PRKG1: variants seen among roughly 807,000 people sequenced by gnomAD.
The protein encoded by PRKG1 is protein kinase cGMP-dependent 1.
In PRKG1, 35 loss-of-function variants were observed where a neutral mutation model predicts 88.1. That is an observed-to-expected ratio of 0.40 (90% CI 0.30 to 0.53). The LOEUF (loss-of-function observed/expected upper bound fraction) is 0.53. Among genes scored for constraint, PRKG1 ranks in the 20% least tolerant of loss-of-function variants. The pLI, the probability that PRKG1 is intolerant of heterozygous loss-of-function variation, is 0.59. For synonymous variants in PRKG1, 303 were observed against 292.5 expected (o/e 1.04, Z -0.37); for missense variants, 540 against 839.8 (o/e 0.64, Z 4.41).
At chr10:51,943,622 T>C (rs376249787) in intron 5 of PRKG1, among the ~76,000 whole-genome samples, 7 of 152,158 alleles carry the variant, frequency 4.6e-5, no homozygotes, top group African/African-American at 7.2e-5. Flanking sequence ...TTTTGAGATA[T>C]GTCCCATCAA....
At chr10:51,473,329 C>T (rs1053327899) in intron 3 of PRKG1, among the ~76,000 whole-genome samples, 8 of 151,618 alleles carry the variant, frequency 5.3e-5, no homozygotes, top group African/African-American at 1.7e-4. Flanking sequence ...TTTAAGTAGA[C>T]GAAAAATGAA....
intron 5 of PRKG1, among the ~76,000 whole-genome samples, chr10:52,048,211 A>C (rs1214194217): frequency 1.3e-5 from 2 of 152,076 alleles, no homozygotes; most frequent in African/African-American, 4.8e-5. Context: ...CCAAACTTAA[A>C]TATAGAGGAA....
intron 3 of PRKG1, among the ~76,000 whole-genome samples, chr10:51,674,597 G>A (rs1338666462): frequency 2.0e-5 from 3 of 152,078 alleles, no homozygotes; most frequent in African/African-American, 7.2e-5. Context: ...GCAGTATTTT[G>A]AATAAAGAAT....
intron 3 of PRKG1, among the ~76,000 whole-genome samples, chr10:51,488,675 G>A (rs942451596): frequency 2.6e-5 from 4 of 152,028 alleles, no homozygotes; most frequent in Non-Finnish European, 5.9e-5. Flanking sequence ...GAATGTGAAC[G>A]CTATGTGGCA....
intron 1 of PRKG1, among the ~76,000 whole-genome samples, chr10:51,059,487 C>T (rs774715623): frequency 5.9e-5 from 9 of 152,142 alleles, no homozygotes; most frequent in Non-Finnish European, 4.4e-5. Context: ...GCCTCAAACT[C>T]CTGGGCTCAA....
intron 5 of PRKG1, among the ~76,000 whole-genome samples, chr10:52,029,698 C>G (rs775684939): frequency 6.6e-6 from 1 of 152,154 alleles, no homozygotes; most frequent in African/African-American, 2.4e-5. Flanking sequence ...TCTAATTTAA[C>G]ATATTCAGGG....
At chr10:51,993,853 T>A (rs1358857113) in intron 5 of PRKG1, among the ~76,000 whole-genome samples, 1 of 152,198 alleles carries the variant, frequency 6.6e-6, no homozygotes, top group Non-Finnish European at 1.5e-5. Context: ...TTTATAAACA[T>A]TAACTCTAAC....
intron 3 of PRKG1, among the ~76,000 whole-genome samples, chr10:51,738,091 C>T (rs994211470): frequency 2.0e-5 from 3 of 151,870 alleles, no homozygotes; most frequent in Non-Finnish European, 1.5e-5. Context: ...TTTAAAAGCT[C>T]CCAGGATTAT....
chr10:51,123,692 C>CAAA (rs34103294), intron 1 of PRKG1, among the ~76,000 whole-genome samples: 2 of 133,622 alleles, frequency 1.5e-5, no homozygotes, highest in Non-Finnish European at 1.6e-5. Context: ...GACTCCATCT[C>CAAA]AAAAAAAAAA....
At chr10:51,345,960 T>C (rs1453956345) in intron 2 of PRKG1, among the ~76,000 whole-genome samples, 1 of 152,218 alleles carries the variant, frequency 6.6e-6, no homozygotes, top group African/African-American at 2.4e-5. Flanking sequence ...ACAGATAGCA[T>C]TATTGGTACA....
chr10:51,983,155 C>G (rs928171217), intron 5 of PRKG1, among the ~76,000 whole-genome samples: 3 of 152,112 alleles, frequency 2.0e-5, no homozygotes, highest in Non-Finnish European at 1.5e-5. Flanking sequence ...AAGGGTGGGG[C>G]ACTGGCAGGC....
chr10:51,806,464 C>G (rs1478859916), intron 4 of PRKG1, among the ~76,000 whole-genome samples: 2 of 152,144 alleles, frequency 1.3e-5, no homozygotes, highest in African/African-American at 4.8e-5. Flanking sequence ...AGTAAGTGAA[C>G]ATTTTTTGTT....
chr10:51,243,334 C>T (rs949063464), intron 2 of PRKG1, among the ~76,000 whole-genome samples: 1 of 152,278 alleles, frequency 6.6e-6, no homozygotes, highest in East Asian at 1.9e-4. Flanking sequence ...TGTTCACCAC[C>T]ACTGGCCTAA....
intron 5 of PRKG1, among the ~76,000 whole-genome samples, chr10:52,007,227 A>T (rs1386330968): frequency 2.0e-5 from 3 of 152,216 alleles, no homozygotes; most frequent in African/African-American, 7.2e-5. Context: ...GTCTGTATTT[A>T]ACATCAACAA....
At chr10:51,248,772 CT>C (rs1839356321) in intron 2 of PRKG1, among the ~76,000 whole-genome samples, 1 of 151,412 alleles carries the variant, frequency 6.6e-6, no homozygotes, top group African/African-American at 2.4e-5. Context: ...ATAACAAATT[CT>C]ATGTCATGTA....
intron 2 of PRKG1, among the ~76,000 whole-genome samples, chr10:51,321,936 C>T (rs78880550): frequency 0.016 from 2,382 of 152,140 alleles, 57 homozygotes; most frequent in African/African-American, 0.053. Flanking sequence ...GCTAGTAAAC[C>T]ACAGATGGTA....
chr10:51,200,692 T>C (rs2132055272), intron 2 of PRKG1, among the ~76,000 whole-genome samples: 1 of 152,338 alleles, frequency 6.6e-6, no homozygotes, highest in African/African-American at 2.4e-5. Context: ...GGAGTTTTCA[T>C]AGCATGTGCA....
At chr10:51,212,606 C>A (rs963279324) in intron 2 of PRKG1, among the ~76,000 whole-genome samples, 15 of 151,972 alleles carry the variant, frequency 9.9e-5, no homozygotes, top group Admixed American at 7.9e-4. Flanking sequence ...CAATGAACCC[C>A]AACAAATTTA....
chr10:51,196,662 G>A (rs373695780), intron 2 of PRKG1, among the ~76,000 whole-genome samples: 1 of 152,150 alleles, frequency 6.6e-6, no homozygotes, highest in African/African-American at 2.4e-5. Flanking sequence ...TGAAGTAATA[G>A]AAGAAAAATG....
Sources: allele counts gnomAD v4.1 joint callset (sites outside exome capture counted in the v4.1 genomes callset), GRCh38; gene constraint gnomAD v4.1.1; transcripts MANE v1.5; gene names NCBI Gene and HGNC (gene_info 2026-07-23, HGNC 2026-07-21).